The following CD2AP variants were observed in gnomAD, a reference collection of about 807,000 sequenced individuals.
CD2AP encodes CD2 associated protein, also known as CD2-associated protein.
CD2AP carries 46 observed loss-of-function variants against 85.1 expected under a neutral mutation model. That is an observed-to-expected ratio of 0.54 (90% CI 0.43 to 0.69). The LOEUF (loss-of-function observed/expected upper bound fraction) is 0.69. Ranked by LOEUF, CD2AP falls within the 30% of genes least tolerant of loss-of-function variation. The probability of loss-of-function intolerance (pLI) is 0.00; values close to 1 mark genes in which losing one functional copy is unlikely to be tolerated. For missense variants in CD2AP, 769 were observed against 729.5 expected, an observed-to-expected ratio of 1.05 and a Z score of -0.62; for synonymous variants, 255 against 252.9, an observed-to-expected ratio of 1.01 and a Z score of -0.08.
chr6:47,518,991 T>C (rs1766519181), intron 2 of CD2AP, among the ~76,000 whole-genome samples: 1 of 152,232 alleles, frequency 6.6e-6, no homozygotes. Context: ...GTTTTATTCT[T>C]ATCTATTTGC....
intron 2 of CD2AP, among the ~76,000 whole-genome samples, chr6:47,522,467 G>T (rs1033077262): frequency 6.6e-6 from 1 of 152,252 alleles, no homozygotes; most frequent in Admixed American, 6.5e-5. Flanking sequence ...AAAATAAGTG[G>T]ATATGTTAAC....
intron 16 of CD2AP, among the ~76,000 whole-genome samples, chr6:47,610,971 A>ATATTTTTTT: frequency 3.5e-5 from 4 of 112,906 alleles, no homozygotes; most frequent in African/African-American, 1.4e-4. Flanking sequence ...ATATATATGT[A>ATATTTTTTT]TTTTTTTTTT....
In CD2AP at chr6:47,533,608, A is replaced by G; in HGVS notation, c.172A>G (p.Lys58Glu). 1 of 1,613,760 alleles carries G rather than the reference A, an allele frequency of 6.2e-7. No homozygotes were observed. Among genetic ancestry groups the G allele is most frequent in the South Asian group, 1.1e-5 (1 of 91,008 alleles). Residue 58 changes from lysine (K) to glutamate (E), a missense_variant, in exon 3 of 18, where the codon AAA (lysine) becomes GAA (glutamate). Lys to Glu is a moderately conservative substitution (Grantham distance 56). Transcript: ENST00000359314. Reference protein sequence around the residue: ...MFPDNFVKEIKRETEFKDDSL... With the variant: ...MFPDNFVKEIERETEFKDDSL... ...TTTATTTTCCCTTTTGTAGGAAATT[A>G]AAAGAGAGACGGAATTCAAGGATGA...
At chr6:47,501,765 G>A (rs1766004370) in intron 1 of CD2AP, among the ~76,000 whole-genome samples, 1 of 152,002 alleles carries the variant, frequency 6.6e-6, no homozygotes, top group Non-Finnish European at 1.5e-5. Flanking sequence ...CAGGAAAGCT[G>A]TTATTGCTTT....
At chr6:47,506,308 A>G (rs1766164564) in intron 2 of CD2AP, among the ~76,000 whole-genome samples, 1 of 49,288 alleles carries the variant, frequency 2.0e-5, no homozygotes, top group Non-Finnish European at 4.9e-5. Flanking sequence ...GACGCTCCTC[A>G]CTTTCCAGAC....
At chr6:47,521,294 G>A (rs909835498) in intron 2 of CD2AP, among the ~76,000 whole-genome samples, 7 of 152,198 alleles carry the variant, frequency 4.6e-5, no homozygotes, top group Non-Finnish European at 1.0e-4. Context: ...GCTCACACCT[G>A]TAATCCCAGC....
intron 2 of CD2AP, among the ~76,000 whole-genome samples, chr6:47,515,119 T>C (rs1766420036): frequency 6.6e-6 from 1 of 151,950 alleles, no homozygotes; most frequent in Admixed American, 6.6e-5. Context: ...ACTGAGTGCA[T>C]TGTAGGTCTG....
chr6:47,586,858 G>A (rs1768643595), intron 11 of CD2AP, among the ~76,000 whole-genome samples: 1 of 152,118 alleles, frequency 6.6e-6, no homozygotes, highest in Non-Finnish European at 1.5e-5. Context: ...TAAAGTGTTG[G>A]TTTTGGAGTT....
intron 1 of CD2AP, among the ~76,000 whole-genome samples, chr6:47,490,258 A>G (rs1765698182): frequency 6.6e-6 from 1 of 152,192 alleles, no homozygotes; most frequent in Non-Finnish European, 1.5e-5. Flanking sequence ...TGCTGGGTTT[A>G]CAGGCATGAG....
intron 17 of CD2AP, among the ~76,000 whole-genome samples, chr6:47,619,779 G>A (rs1769698079): frequency 6.6e-6 from 1 of 152,150 alleles, no homozygotes; most frequent in African/African-American, 2.4e-5. Flanking sequence ...GAGTAAGGTG[G>A]TATCGGATTG....
chr6:47,565,157 T>C (rs749575135), intron 5 of CD2AP, among the ~76,000 whole-genome samples: 20 of 152,162 alleles, frequency 1.3e-4, no homozygotes, highest in Non-Finnish European at 2.4e-4. Context: ...GATAAAAGTT[T>C]TAAGAATGCC....
chr6:47,542,843 ATTAT>A (rs553402371), intron 3 of CD2AP, among the ~76,000 whole-genome samples: 236 of 152,216 alleles, frequency 1.6e-3, no homozygotes, highest in South Asian at 0.011. Context: ...ACAAAAGAAG[ATTAT>A]TTAATTTAGA....
At chr6:47,617,976 G>A (rs1769639045) in intron 17 of CD2AP, among the ~76,000 whole-genome samples, 1 of 152,122 alleles carries the variant, frequency 6.6e-6, no homozygotes, top group African/African-American at 2.4e-5. Context: ...TCAAGGCCCT[G>A]CTCAAACAAT....
rs1445700600 is a variant in CD2AP at position 47,624,532 on chromosome 6, CTT to C, written c.*306_*307del. 3 of 308,502 alleles carry C rather than the reference CTT, an allele frequency of 9.7e-6. No homozygotes were observed. Among genetic ancestry groups the C allele is most frequent in the South Asian group, 4.9e-5 (1 of 20,420 alleles). The allele number at this position is 308,502 out of a possible 1,614,324, so 19.1% of individuals were successfully genotyped here. ...GTGCACAGTAGTTTTTTTATTGAAA[CTT>C]GTATTATTTTTAAAGAGATCTATAC... On this transcript the variant is annotated 3_prime_UTR_variant, in exon 18 of 18. Coordinates refer to ENST00000359314, the MANE Select transcript of CD2AP (RefSeq NM_012120.3).
At chr6:47,623,400 A>C (rs977676286) in intron 17 of CD2AP, among the ~76,000 whole-genome samples, 2 of 152,204 alleles carry the variant, frequency 1.3e-5, no homozygotes, top group Non-Finnish European at 2.9e-5. Context: ...TTGAGAAGAG[A>C]AATCAATATA....
chr6:47,573,219 T>A (rs1024145837), intron 5 of CD2AP, among the ~76,000 whole-genome samples: 7 of 152,104 alleles, frequency 4.6e-5, no homozygotes, highest in African/African-American at 1.4e-4. Context: ...AACTTAAAAA[T>A]TTTTTATTAT....
chr6:47,491,642 A>AT (rs1309001193), intron 1 of CD2AP, among the ~76,000 whole-genome samples: 5 of 151,986 alleles, frequency 3.3e-5, no homozygotes, highest in Non-Finnish European at 5.9e-5. Context: ...TAAATTGTTT[A>AT]TTTTTTTGAA....
intron 13 of CD2AP, among the ~76,000 whole-genome samples, chr6:47,603,240 A>G (rs1334269352): frequency 1.3e-5 from 2 of 152,108 alleles, no homozygotes; most frequent in Admixed American, 6.6e-5. Flanking sequence ...TTATTTATGT[A>G]TGAAATATTT....
At chr6:47,531,062 C>T (rs1766861905) in intron 2 of CD2AP, among the ~76,000 whole-genome samples, 2 of 151,764 alleles carry the variant, frequency 1.3e-5, no homozygotes, top group African/African-American at 4.8e-5. Flanking sequence ...CCAGCCTGGA[C>T]AACATAGCAA....
Sources: gnomAD v4.1 joint callset for allele counts (sites outside exome capture counted in the v4.1 genomes callset) on GRCh38, gnomAD v4.1.1 for gene constraint, MANE v1.5 for transcripts, NCBI Gene and HGNC (gene_info 2026-07-23, HGNC 2026-07-21) for gene names.